Variants in NAALADL2 observed in about 807,000 individuals in gnomAD.
NAALADL2 encodes N-acetylated alpha-linked acidic dipeptidase like 2.
In NAALADL2, 76 loss-of-function variants were observed where a neutral mutation model predicts 87.2. That is an observed-to-expected ratio of 0.87 (90% confidence interval 0.72 to 1.05). The LOEUF (loss-of-function observed/expected upper bound fraction) is 1.05, where lower values mean the gene tolerates loss of function less well. Ranked by LOEUF, NAALADL2 falls within the 50% of genes least tolerant of loss-of-function variation. The pLI, the probability that NAALADL2 is intolerant of heterozygous loss-of-function variation, is 0.00. For synonymous variants in NAALADL2, 354 were observed against 331.0 expected (o/e 1.07, Z -0.75); for missense variants, 1,089 against 945.8 (o/e 1.15, Z -1.99).
intron 3 of NAALADL2, among the ~76,000 whole-genome samples, chr3:174,741,949 T>C (rs1469893647): frequency 1.3e-5 from 2 of 151,746 alleles, no homozygotes; most frequent in Non-Finnish European, 3.0e-5. Context: ...TTTTATACTT[T>C]TTGCGTATGC....
intron 11 of NAALADL2, among the ~76,000 whole-genome samples, chr3:175,705,577 T>C (rs919643963): frequency 2.0e-5 from 3 of 151,952 alleles, no homozygotes; most frequent in Non-Finnish European, 2.9e-5. Flanking sequence ...CTAACACTGA[T>C]TGGGTGTCTT....
chr3:175,295,846 G>A (rs1756293827), intron 4 of NAALADL2, among the ~76,000 whole-genome samples: 2 of 151,726 alleles, frequency 1.3e-5, no homozygotes, highest in Non-Finnish European at 2.9e-5. Context: ...ACTCTGACCT[G>A]TCCAGCCTTA....
chr3:175,483,692 T>G (rs1560628156), intron 9 of NAALADL2, among the ~76,000 whole-genome samples: 1 of 152,030 alleles, frequency 6.6e-6, no homozygotes, highest in Non-Finnish European at 1.5e-5. Context: ...TACTGGTTAC[T>G]GGTTTGGGTA....
intron 5 of NAALADL2, among the ~76,000 whole-genome samples, chr3:175,371,331 T>G (rs761307957): frequency 1.3e-5 from 2 of 151,986 alleles, no homozygotes; most frequent in African/African-American, 2.4e-5. Context: ...GCAGTGGCGC[T>G]ATCTCGGCTC....
chr3:175,692,832 C>G (rs1582910049), intron 11 of NAALADL2, among the ~76,000 whole-genome samples: 2 of 152,090 alleles, frequency 1.3e-5, no homozygotes, highest in East Asian at 3.9e-4. Context: ...TAGCTAACAA[C>G]TCATGTTGAA....
intron 1 of NAALADL2, among the ~76,000 whole-genome samples, chr3:175,052,706 T>A (rs1755576615): frequency 6.6e-6 from 1 of 152,220 alleles, no homozygotes; most frequent in Non-Finnish European, 1.5e-5. Flanking sequence ...AAAACAAGTT[T>A]GTAGAGTGTC....
chr3:174,617,249 C>T (rs1436706483), intron 2 of NAALADL2, among the ~76,000 whole-genome samples: 2 of 151,680 alleles, frequency 1.3e-5, no homozygotes, highest in African/African-American at 4.8e-5. Flanking sequence ...TGTATACTTA[C>T]AGAAATAATT....
At chr3:175,595,757 A>G (rs957044464) in intron 10 of NAALADL2, among the ~76,000 whole-genome samples, 3 of 151,998 alleles carry the variant, frequency 2.0e-5, no homozygotes, top group African/African-American at 7.2e-5. Context: ...AATGAATGGA[A>G]AAACATTCCA....
chr3:174,799,298 G>C (rs1438628038), intron 3 of NAALADL2, among the ~76,000 whole-genome samples: 1 of 152,130 alleles, frequency 6.6e-6, no homozygotes, highest in African/African-American at 2.4e-5. Context: ...CATCTGATAT[G>C]GTTTGGCTGT....
chr3:174,603,876 A>T (rs972440943), intron 2 of NAALADL2, among the ~76,000 whole-genome samples: 1 of 152,032 alleles, frequency 6.6e-6, no homozygotes, highest in Non-Finnish European at 1.5e-5. Context: ...TGTTTCTAAA[A>T]TTCCTTTTGT....
rs982260487 is a variant in NAALADL2 at position 175,730,697 on chromosome 3, G to A, written c.1897-6609G>A. Among the ~76,000 whole-genome samples, 6 of 151,712 alleles carry A rather than the reference G, an allele frequency of 4.0e-5. No homozygotes were observed. The East Asian group carries it at 1.2e-3, about 30-fold the overall frequency. ...TTGCAATGTGGTGATTATTAACTCA[G>A]TTTTCAACACAATGATCCTTTTATA... On this transcript the variant is annotated intron_variant, in intron 11 of 13. Transcript: ENST00000454872.
chr3:174,721,334 A>G (rs1168115012), intron 2 of NAALADL2, among the ~76,000 whole-genome samples: 2 of 152,200 alleles, frequency 1.3e-5, no homozygotes, highest in African/African-American at 2.4e-5. Flanking sequence ...GCATTATTCT[A>G]CTAGATATTT....
At chr3:175,070,768 T>A (rs897142422) in intron 1 of NAALADL2, among the ~76,000 whole-genome samples, 1 of 152,082 alleles carries the variant, frequency 6.6e-6, no homozygotes, top group Non-Finnish European at 1.5e-5. Flanking sequence ...TTTAGTACCA[T>A]ATTAAAGTAA....
intron 3 of NAALADL2, among the ~76,000 whole-genome samples, chr3:174,787,655 C>T (rs1176765139): frequency 3.2e-5 from 3 of 95,148 alleles, no homozygotes; most frequent in African/African-American, 1.2e-4. Context: ...TCAAATAGGG[C>T]TCAACTATAT....
intron 1 of NAALADL2, among the ~76,000 whole-genome samples, chr3:175,035,829 T>G (rs1753341261): frequency 6.6e-6 from 1 of 152,118 alleles, no homozygotes; most frequent in Non-Finnish European, 1.5e-5. Flanking sequence ...TATTGAAAAT[T>G]CAGATTCCTA....
intron 13 of NAALADL2, among the ~76,000 whole-genome samples, chr3:175,790,100 C>T (rs557636113): frequency 1.3e-5 from 2 of 152,204 alleles, no homozygotes; most frequent in East Asian, 3.9e-4. Context: ...ACTTAATTAC[C>T]AACACCAAGT....
chr3:174,559,852 A>G (rs1177503530), intron 2 of NAALADL2, among the ~76,000 whole-genome samples: 1 of 152,280 alleles, frequency 6.6e-6, no homozygotes, highest in Middle Eastern at 3.4e-3. Flanking sequence ...ATTTCAAGGA[A>G]TGAATTTTGA....
intron 4 of NAALADL2, among the ~76,000 whole-genome samples, chr3:175,279,855 T>A (rs1754057195): frequency 6.6e-6 from 1 of 151,282 alleles, no homozygotes; most frequent in Non-Finnish European, 1.5e-5. Flanking sequence ...CAGGCTGCAC[T>A]GAAGAAAAAT....
chr3:174,924,191 C>T (rs1735638131), intron 1 of NAALADL2, among the ~76,000 whole-genome samples: 3 of 150,342 alleles, frequency 2.0e-5, no homozygotes, highest in Non-Finnish European at 4.4e-5. Context: ...AGGTATGTCT[C>T]CTAATGCTAT....
Sources: allele counts gnomAD v4.1 joint callset (sites outside exome capture counted in the v4.1 genomes callset), GRCh38; gene constraint gnomAD v4.1.1; transcripts MANE v1.5; gene names NCBI Gene and HGNC (gene_info 2026-07-23, HGNC 2026-07-21).